The following SORCS2 variants were observed in gnomAD, a reference collection of about 807,000 sequenced individuals.
The protein encoded by SORCS2 is sortilin related VPS10 domain containing receptor 2.
In SORCS2, 100 loss-of-function variants were observed where a neutral mutation model predicts 141.6. That is an observed-to-expected ratio of 0.71 (90% CI 0.60 to 0.83). The LOEUF (loss-of-function observed/expected upper bound fraction) is 0.83, where lower values mean the gene tolerates loss of function less well. Among genes scored for constraint, SORCS2 ranks in the 40% least tolerant of loss-of-function variants. The pLI is 0.00. For missense variants in SORCS2, 1,646 were observed against 1,560.2 expected (o/e 1.05, Z -0.93); for synonymous variants, 789 against 676.9 (o/e 1.17, Z -2.57).
rs1454071182 is a variant in SORCS2 at position 7,380,922 on chromosome 4, A to C, written c.481-15366A>C. ...CACGGTGAAACCCCGTCTCTACTAAAAATACAAAAATTAGCTGGGTGTGGT... is the reference window on the plus strand; with the variant it reads ...CACGGTGAAACCCCGTCTCTACTAACAATACAAAAATTAGCTGGGTGTGGT... On this transcript the variant is annotated intron_variant, in intron 1 of 26. Coordinates refer to ENST00000507866, the MANE Select transcript of SORCS2 (RefSeq NM_020777.3). 2.6e-5 allele frequency among the ~76,000 whole-genome samples: 4 copies of C among 152,148 alleles called. No individual in the cohort carries two copies. The East Asian group carries it at 7.7e-4, about 29-fold the overall frequency.
intron 1 of SORCS2, among the ~76,000 whole-genome samples, chr4:7,223,850 T>G (rs543089800): frequency 6.6e-6 from 1 of 152,178 alleles, no homozygotes; most frequent in African/African-American, 2.4e-5. Context: ...TGCCTCATTC[T>G]GAAGTCCATG....
chr4:7,470,955 TGAC>T (rs1170281061), intron 2 of SORCS2, among the ~76,000 whole-genome samples: 1 of 14,058 alleles, frequency 7.1e-5, no homozygotes, highest in African/African-American at 1.1e-4. Flanking sequence ...GTGGGAGTAG[TGAC>T]AAGAAGGTGC....
intron 1 of SORCS2, among the ~76,000 whole-genome samples, chr4:7,264,725 C>T (rs1330659487): frequency 6.6e-6 from 1 of 152,226 alleles, no homozygotes; most frequent in Admixed American, 6.5e-5. Context: ...CTATGGAAAG[C>T]CCCTCACCAT....
intron 2 of SORCS2, among the ~76,000 whole-genome samples, chr4:7,415,438 CT>C (rs924580221): frequency 2.0e-5 from 3 of 152,200 alleles, no homozygotes; most frequent in Admixed American, 6.5e-5. Flanking sequence ...CCCTCTGACC[CT>C]TTTTTTGTTG....
At chr4:7,341,295 C>G (rs907175831) in intron 1 of SORCS2, among the ~76,000 whole-genome samples, 2 of 152,204 alleles carry the variant, frequency 1.3e-5, no homozygotes, top group Non-Finnish European at 2.9e-5. Context: ...TTCTTTCTCT[C>G]TTGGGTGCCC....
chr4:7,733,922 C>T (rs538702415), intron 24 of SORCS2, among the ~76,000 whole-genome samples: 223 of 152,302 alleles, frequency 1.5e-3, no homozygotes, highest in African/African-American at 5.1e-3. Context: ...TTTATGGCCT[C>T]TGGCCCCTCT....
At chr4:7,650,724 CG>C (rs1721384453) in intron 4 of SORCS2, among the ~76,000 whole-genome samples, 2 of 77,774 alleles carry the variant, frequency 2.6e-5, no homozygotes, top group Non-Finnish European at 5.3e-5. Flanking sequence ...CTCCCCGCCC[CG>C]CCCAGCCCAG....
intron 3 of SORCS2, among the ~76,000 whole-genome samples, chr4:7,609,177 C>A (rs1718245597): frequency 6.6e-6 from 1 of 151,404 alleles, no homozygotes; most frequent in African/African-American, 2.5e-5. Flanking sequence ...CCTCTCTGAA[C>A]TTGGTTTTGT....
intron 2 of SORCS2, among the ~76,000 whole-genome samples, chr4:7,466,239 C>G (rs759679708): frequency 6.6e-6 from 1 of 152,208 alleles, no homozygotes; most frequent in Non-Finnish European, 1.5e-5. Flanking sequence ...GTTCACGCCC[C>G]TGCAGTCAAT....
At chr4:7,299,532 C>T (rs560878185) in intron 1 of SORCS2, among the ~76,000 whole-genome samples, 1 of 152,318 alleles carries the variant, frequency 6.6e-6, no homozygotes, top group African/African-American at 2.4e-5. Flanking sequence ...GCGAAAGCAC[C>T]CACACCTCTA....
At chr4:7,458,377 C>T (rs12506667) in intron 2 of SORCS2, among the ~76,000 whole-genome samples, 62,473 of 151,776 alleles carry the variant, frequency 0.41, 13,233 homozygotes, top group Middle Eastern at 0.53. Flanking sequence ...TCTGGTCTTG[C>T]GTGTTAATGC....
At chr4:7,717,506 G>A (rs1428635090) in intron 17 of SORCS2, among the ~76,000 whole-genome samples, 2 of 152,170 alleles carry the variant, frequency 1.3e-5, no homozygotes. Context: ...GATTAGTCAC[G>A]AATCGCCCAA....
chr4:7,567,802 C>T (rs1242237907), intron 3 of SORCS2, among the ~76,000 whole-genome samples: 5 of 152,142 alleles, frequency 3.3e-5, no homozygotes, highest in Non-Finnish European at 7.3e-5. Flanking sequence ...CTCTTCCCCC[C>T]ATTTATTTAT....
At chr4:7,244,062 C>T (rs746510488) in intron 1 of SORCS2, among the ~76,000 whole-genome samples, 3 of 152,196 alleles carry the variant, frequency 2.0e-5, no homozygotes, top group African/African-American at 4.8e-5. Flanking sequence ...CCCTATTTGT[C>T]GTTGACTCAC....
intron 1 of SORCS2, among the ~76,000 whole-genome samples, chr4:7,226,149 G>A (rs1728979288): frequency 6.6e-6 from 1 of 152,190 alleles, no homozygotes; most frequent in African/African-American, 2.4e-5. Flanking sequence ...TGGGAGGGCT[G>A]GAAGCTGCAA....
At chr4:7,344,763 G>A (rs1367225160) in intron 1 of SORCS2, among the ~76,000 whole-genome samples, 2 of 152,154 alleles carry the variant, frequency 1.3e-5, no homozygotes, top group Non-Finnish European at 2.9e-5. Flanking sequence ...AGGCCTAAAT[G>A]GGAAAGCGAA....
intron 4 of SORCS2, among the ~76,000 whole-genome samples, chr4:7,641,648 C>T (rs1048353834): frequency 2.6e-4 from 40 of 152,100 alleles, no homozygotes; most frequent in Non-Finnish European, 2.9e-5. Context: ...CCATTTTAAT[C>T]TAAAGTGCCC....
At chr4:7,270,006 A>C (rs548563947) in intron 1 of SORCS2, among the ~76,000 whole-genome samples, 25 of 152,284 alleles carry the variant, frequency 1.6e-4, no homozygotes, top group Non-Finnish European at 3.1e-4. Flanking sequence ...CAGCCTCCCA[A>C]GTAGCTGAGA....
At chr4:7,374,129 C>CTCTTTCTTTCTT (rs1162945229) in intron 1 of SORCS2, among the ~76,000 whole-genome samples, 3,289 of 51,532 alleles carry the variant, frequency 0.064, 76 homozygotes, top group Admixed American at 0.084. Flanking sequence ...CTTTCTTTCC[C>CTCTTTCTTTCTT]TCTTTCTTTC....
Sources: gnomAD v4.1 joint callset for allele counts (sites outside exome capture counted in the v4.1 genomes callset) on GRCh38, gnomAD v4.1.1 for gene constraint, MANE v1.5 for transcripts, NCBI Gene and HGNC (gene_info 2026-07-23, HGNC 2026-07-21) for gene names.